SH3BGRL2: variants seen among roughly 807,000 people sequenced by gnomAD.
SH3BGRL2 encodes the protein SH3 domain-binding glutamic acid-rich-like protein 2.
SH3BGRL2 carries 21 observed loss-of-function variants against 14.8 expected under a neutral mutation model. The ratio of observed to expected loss-of-function variants is 1.42; its 90% CI spans 1.01 to 2.05. The LOEUF (loss-of-function observed/expected upper bound fraction) is 2.05. Ranked by LOEUF, SH3BGRL2 falls within the 30% of genes most tolerant of loss-of-function variation. SH3BGRL2 has a pLI of 0.00. For synonymous variants in SH3BGRL2, 50 were observed against 47.8 expected (o/e 1.05, Z -0.19); for missense variants, 147 against 130.8 (o/e 1.12, Z -0.61).
Position 79,699,754 on chromosome 6 carries a change from A to G in SH3BGRL2, c.*245A>G, listed in dbSNP as rs1210598686. On this transcript the variant is annotated 3_prime_UTR_variant, in exon 4 of 4. Transcript: ENST00000369838. ...GCCTGCAGTTGCCTCACTCACCTGG[A>G]AATACCGTCACCTGTTACAGGTGTA... is the stretch of plus-strand genomic sequence containing the variant. The G allele has an allele frequency of 4.4e-6, 2 of 451,480 alleles. No homozygotes were observed. The highest frequency in any genetic ancestry group is 7.6e-6 in the Non-Finnish European group (2 of 262,218). The allele number at this position is 451,480 out of a possible 1,614,324, so 28.0% of individuals were successfully genotyped here. A position where few individuals can be genotyped will look rare whatever the true frequency, so the allele number is the denominator to read the frequency against.
At chr6:79,618,735 A>T in the SH3BGRL2 span, among the ~76,000 whole-genome samples, 1 of 151,796 alleles carries the variant, frequency 6.6e-6, no homozygotes, top group African/African-American at 2.4e-5. Context: ...CCTGACCAAC[A>T]TGGAGAAACC....
At chr6:79,669,452 CTTTTTTT>C (rs66477199) in intron 1 of SH3BGRL2, among the ~76,000 whole-genome samples, 1 of 122,962 alleles carries the variant, frequency 8.1e-6, no homozygotes, top group East Asian at 2.4e-4. Context: ...AATTTATATT[CTTTTTTT>C]TTTTTTTTTT....
the SH3BGRL2 span, among the ~76,000 whole-genome samples, chr6:79,539,746 AAAGT>A: frequency 6.6e-6 from 1 of 152,232 alleles, no homozygotes; most frequent in Non-Finnish European, 1.5e-5. Context: ...AAGTTTCAAA[AAAGT>A]AATAGGTAGA....
At chr6:79,614,457 A>G in the SH3BGRL2 span, among the ~76,000 whole-genome samples, 1 of 152,112 alleles carries the variant, frequency 6.6e-6, no homozygotes, top group Non-Finnish European at 1.5e-5. Flanking sequence ...TACACTGCGG[A>G]CCCTGCTGGG....
chr6:79,608,148 A>G, the SH3BGRL2 span, among the ~76,000 whole-genome samples: 3 of 152,140 alleles, frequency 2.0e-5, no homozygotes, highest in Non-Finnish European at 4.4e-5. Context: ...GAACTCACTC[A>G]CTATCACGAA....
the SH3BGRL2 span, among the ~76,000 whole-genome samples, chr6:79,567,279 C>A: frequency 1.3e-5 from 2 of 152,052 alleles, no homozygotes; most frequent in Admixed American, 1.3e-4. Context: ...TTTGTGGAAT[C>A]TGATAAACTA....
At chr6:79,605,541 T>C in the SH3BGRL2 span, among the ~76,000 whole-genome samples, 1 of 152,222 alleles carries the variant, frequency 6.6e-6, no homozygotes, top group East Asian at 1.9e-4. Flanking sequence ...TTTTTAAAGT[T>C]GTGGTAAATC....
At position 79,665,201 on chromosome 6, in the gene SH3BGRL2, A is replaced by G. The variant is rs372452874; in HGVS notation, c.46-8413A>G. Among the ~76,000 whole-genome samples the G allele has an allele frequency of 5.4e-4, 82 of 152,356 alleles. No homozygotes were observed. In the East Asian group the frequency reaches 9.3e-3, roughly 17 times the overall value. ...GGCAACAGAGCGAGACTCCGTCTCT[A>G]AATAAATAAAAAAATAAAAATTCAG... is the stretch of plus-strand genomic sequence containing the variant. On this transcript the variant is annotated intron_variant, in intron 1 of 3. Transcript: ENST00000369838.
At chr6:79,586,231 A>ATTT in the SH3BGRL2 span, among the ~76,000 whole-genome samples, 1 of 96,704 alleles carries the variant, frequency 1.0e-5, no homozygotes, top group African/African-American at 4.0e-5. Context: ...TTATGTATGG[A>ATTT]CTTCTTTTTT....
chr6:79,566,852 G>A, the SH3BGRL2 span, among the ~76,000 whole-genome samples: 2 of 148,652 alleles, frequency 1.3e-5, no homozygotes, highest in Non-Finnish European at 3.0e-5. Context: ...AGCTATGATT[G>A]TGCCACTGCA....
Position 79,686,410 on chromosome 6 carries a change from T to C in SH3BGRL2, c.232-10075T>C, listed in dbSNP as rs151149227. Among the ~76,000 whole-genome samples the C allele has an allele frequency of 1.7e-3, 254 of 152,260 alleles. 1 individual carries two copies. Among genetic ancestry groups the C allele is most frequent in the African/African-American group, 5.9e-3 (245 of 41,578 alleles). The stretch of plus-strand genomic sequence containing the variant: ...ACTCTTATGTTCTAACTTTCAATAC[T>C]CTTGACTTATCTAGTAATTTCCATC... On this transcript the variant is annotated intron_variant, in intron 2 of 3. Transcript: ENST00000369838.
chr6:79,677,003 A>G (rs1769898706), intron 2 of SH3BGRL2, among the ~76,000 whole-genome samples: 1 of 152,164 alleles, frequency 6.6e-6, no homozygotes, highest in Non-Finnish European at 1.5e-5. Flanking sequence ...TGGTCACGAC[A>G]GCTATTGGCG....
chr6:79,679,731 C>T (rs965014241), intron 2 of SH3BGRL2, among the ~76,000 whole-genome samples: 1 of 152,094 alleles, frequency 6.6e-6, no homozygotes, highest in Non-Finnish European at 1.5e-5. Context: ...AACTTCTACA[C>T]ATCCTCACCA....
At chr6:79,681,315 A>G (rs866169726) in intron 2 of SH3BGRL2, among the ~76,000 whole-genome samples, 2 of 151,596 alleles carry the variant, frequency 1.3e-5, no homozygotes, top group African/African-American at 2.4e-5. Flanking sequence ...TATTGAGTTA[A>G]TTTTTTTTTA....
the SH3BGRL2 span, among the ~76,000 whole-genome samples, chr6:79,603,807 T>C: frequency 3.3e-5 from 5 of 152,132 alleles, no homozygotes; most frequent in Admixed American, 3.3e-4. Flanking sequence ...CACTTTTCTT[T>C]TTTCTTTTTT....
At chr6:79,611,388 T>G in the SH3BGRL2 span, among the ~76,000 whole-genome samples, 1 of 151,592 alleles carries the variant, frequency 6.6e-6, no homozygotes, top group African/African-American at 2.4e-5. Context: ...GATCTTAAGT[T>G]AACTACAGTA....
intron 1 of SH3BGRL2, among the ~76,000 whole-genome samples, chr6:79,654,612 A>T (rs1253425886): frequency 6.6e-6 from 1 of 152,172 alleles, no homozygotes; most frequent in Non-Finnish European, 1.5e-5. Flanking sequence ...GAATAAATTT[A>T]TGCTTCATCT....
chr6:79,673,550 T>G lies in SH3BGRL2; in HGVS notation c.46-64T>G. On this transcript the variant is annotated intron_variant, in intron 1 of 3. Coordinates refer to ENST00000369838, the MANE Select transcript of SH3BGRL2 (RefSeq NM_031469.4). Reference sequence around the variant, plus strand: ...TCAATGACATAAATCTAGTTCAGTTTGGAAGTATATACATACTGTTTCAGA... The same window carrying G: ...TCAATGACATAAATCTAGTTCAGTTGGGAAGTATATACATACTGTTTCAGA... The G allele has an allele frequency of 2.0e-6, 3 of 1,495,490 alleles. No homozygotes were observed. The South Asian group carries it at 3.7e-5, about 18-fold the overall frequency. The allele number at this position is 1,495,490 out of a possible 1,614,324, so 92.6% of individuals were successfully genotyped here. A position where few individuals can be genotyped will look rare whatever the true frequency, so the allele number is the denominator to read the frequency against.
At chr6:79,540,589 GT>G in the SH3BGRL2 span, among the ~76,000 whole-genome samples, 5 of 152,052 alleles carry the variant, frequency 3.3e-5, no homozygotes, top group African/African-American at 1.2e-4. Context: ...TTATTGCTCT[GT>G]TTAAAGGATA....
Sources: allele counts gnomAD v4.1 joint callset (sites outside exome capture counted in the v4.1 genomes callset), GRCh38; gene constraint gnomAD v4.1.1; transcripts MANE v1.5; gene names NCBI Gene and HGNC (gene_info 2026-07-23, HGNC 2026-07-21).